GPM6A: variants seen among roughly 807,000 people sequenced by gnomAD.
GPM6A encodes the protein glycoprotein M6A.
GPM6A carries 7 observed loss-of-function variants against 32.1 expected under a neutral mutation model. The ratio of observed to expected loss-of-function variants is 0.22; its 90% CI spans 0.12 to 0.41. GPM6A has a LOEUF of 0.41. Among genes scored for constraint, GPM6A ranks in the 10% least tolerant of loss-of-function variants. The pLI is 1.00. For synonymous variants in GPM6A, 130 were observed against 123.4 expected (o/e 1.05, Z -0.35); for missense variants, 235 against 347.2 (o/e 0.68, Z 2.57).
intron 1 of GPM6A, among the ~76,000 whole-genome samples, chr4:175,825,736 G>A (rs1239378183): frequency 6.6e-6 from 1 of 152,158 alleles, no homozygotes; most frequent in African/African-American, 2.4e-5. Flanking sequence ...AAGGAAAGAA[G>A]ACAATGAGCT....
chr4:175,683,408 C>T (rs776645476), intron 2 of GPM6A, among the ~76,000 whole-genome samples: 3 of 152,022 alleles, frequency 2.0e-5, no homozygotes, highest in African/African-American at 2.4e-5. Flanking sequence ...TGAGTTAATG[C>T]TGGAAAGAGT....
chr4:175,673,598 A>T (rs2110984132), intron 3 of GPM6A, 82 bp downstream of exon 3: 2 of 961,868 alleles, frequency 2.1e-6, no homozygotes, highest in Middle Eastern at 2.3e-4. Flanking sequence ...AAAATACTTT[A>T]ATTCTTGGGA....
intron 1 of GPM6A, among the ~76,000 whole-genome samples, chr4:175,870,299 T>A (rs1056682779): frequency 6.6e-6 from 1 of 152,038 alleles, no homozygotes; most frequent in African/African-American, 2.4e-5. Context: ...ATTCCTCAAA[T>A]ATCAAACAAC....
chr4:175,847,179 C>T (rs949693884), intron 1 of GPM6A, among the ~76,000 whole-genome samples: 1 of 152,162 alleles, frequency 6.6e-6, no homozygotes, highest in Admixed American at 6.6e-5. Context: ...AAACTACCCA[C>T]TGGATGGTCC....
intron 1 of GPM6A, among the ~76,000 whole-genome samples, chr4:175,926,755 T>C (rs894615421): frequency 6.6e-6 from 1 of 152,154 alleles, no homozygotes; most frequent in Non-Finnish European, 1.5e-5. Context: ...ATGTAGAAAG[T>C]GATTATTGAC....
At chr4:175,661,960 A>G (rs893855886) in intron 3 of GPM6A, among the ~76,000 whole-genome samples, 1 of 152,186 alleles carries the variant, frequency 6.6e-6, no homozygotes, top group African/African-American at 2.4e-5. Flanking sequence ...CTACTTGAAT[A>G]CTTTTTGGCA....
intron 1 of GPM6A, among the ~76,000 whole-genome samples, chr4:175,945,436 A>G (rs916560797): frequency 2.0e-5 from 3 of 152,132 alleles, no homozygotes; most frequent in Admixed American, 6.5e-5. Flanking sequence ...GGTATCACTT[A>G]TAAGTGGGAA....
intron 1 of GPM6A, among the ~76,000 whole-genome samples, chr4:175,929,690 C>T (rs1738964783): frequency 6.6e-6 from 1 of 152,132 alleles, no homozygotes. Context: ...AAAATGTACA[C>T]AGGGCTTTGG....
At chr4:175,799,073 T>A (rs975711160) in intron 1 of GPM6A, among the ~76,000 whole-genome samples, 1 of 152,178 alleles carries the variant, frequency 6.6e-6, no homozygotes, top group African/African-American at 2.4e-5. Context: ...TTTCCTTTTT[T>A]CCTTTTTTCA....
At chr4:175,911,360 A>G (rs769312476) in intron 1 of GPM6A, among the ~76,000 whole-genome samples, 4 of 152,172 alleles carry the variant, frequency 2.6e-5, no homozygotes, top group Admixed American at 6.5e-5. Context: ...TGTCCTAAAC[A>G]TTGGCAAGAG....
intron 1 of GPM6A, chr4:175,787,048 G>A (rs114939677): frequency 0.066 from 21,359 of 323,352 alleles, 807 homozygotes; most frequent in Non-Finnish European, 0.078. Context: ...CTATAATCTC[G>A]GTGTTTGTTT....
chr4:175,686,022 C>G (rs1743960818), intron 2 of GPM6A, among the ~76,000 whole-genome samples: 1 of 151,888 alleles, frequency 6.6e-6, no homozygotes, highest in South Asian at 2.1e-4. Context: ...TCCAATGTTC[C>G]AAGATGCTGC....
At chr4:175,884,870 A>G (rs1022249482) in intron 1 of GPM6A, among the ~76,000 whole-genome samples, 2 of 152,176 alleles carry the variant, frequency 1.3e-5, no homozygotes, top group African/African-American at 4.8e-5. Context: ...TTTCTTTGAC[A>G]TATTAAAAAT....
intron 1 of GPM6A, among the ~76,000 whole-genome samples, chr4:175,738,438 T>G (rs905927051): frequency 2.6e-5 from 4 of 152,070 alleles, no homozygotes; most frequent in African/African-American, 9.7e-5. Context: ...TGGCACTAAT[T>G]TGAGAAAATA....
intron 2 of GPM6A, among the ~76,000 whole-genome samples, chr4:175,690,431 T>C (rs1242945690): frequency 6.6e-6 from 1 of 152,200 alleles, no homozygotes; most frequent in East Asian, 1.9e-4. Flanking sequence ...TTGGTGGCTT[T>C]TTAAAAAAGA....
intron 1 of GPM6A, among the ~76,000 whole-genome samples, chr4:175,868,752 T>C (rs142855731): frequency 2.2e-4 from 33 of 152,334 alleles, no homozygotes; most frequent in South Asian, 1.4e-3. Context: ...CTGCCTGTTA[T>C]ATCTCATTAT....
intron 1 of GPM6A, among the ~76,000 whole-genome samples, chr4:175,702,027 A>G (rs1201678676): frequency 6.6e-6 from 1 of 152,184 alleles, no homozygotes; most frequent in African/African-American, 2.4e-5. Context: ...TTCCTTCCCA[A>G]CCCAGACTTT....
intron 1 of GPM6A, among the ~76,000 whole-genome samples, chr4:175,776,964 C>T (rs974238597): frequency 2.6e-5 from 4 of 152,044 alleles, no homozygotes; most frequent in African/African-American, 9.7e-5. Context: ...ACAATCTTTG[C>T]AAAAAGCAAA....
intron 2 of GPM6A, among the ~76,000 whole-genome samples, chr4:175,675,607 A>G (rs897047682): frequency 2.0e-5 from 3 of 152,146 alleles, no homozygotes; most frequent in African/African-American, 7.2e-5. Context: ...CTTCATAATT[A>G]AGATTTTTAA....
Sources: allele counts gnomAD v4.1 joint callset (sites outside exome capture counted in the v4.1 genomes callset), GRCh38; gene constraint gnomAD v4.1.1; transcripts MANE v1.5; gene names NCBI Gene and HGNC (gene_info 2026-07-23, HGNC 2026-07-21).